Variants in MAGED1 observed in about 807,000 individuals in gnomAD.
MAGED1 encodes the protein melanoma-associated antigen D1.
In MAGED1, 3 loss-of-function variants were observed where a neutral mutation model predicts 54.1. The observed-to-expected ratio is 0.06, with a 90% CI of 0.03 to 0.14. The LOEUF (loss-of-function observed/expected upper bound fraction) is 0.14, where lower values mean the gene tolerates loss of function less well. Ranked by LOEUF, MAGED1 falls within the 10% of genes least tolerant of loss-of-function variation. The pLI is 1.00. For synonymous variants in MAGED1, 217 were observed against 227.3 expected (o/e 0.95, Z 0.41); for missense variants, 485 against 623.4 (o/e 0.78, Z 2.36).
rs962156612 is a variant in MAGED1, at chrX:51,896,647, C to G, written c.992C>G (p.Ala331Gly). The stretch of plus-strand genomic sequence containing the variant: ...CCTCCAGCTAGGCAGACCCCACCAG[C>G]CTGGCAGAACCCAGTCGCTTGGCAG... ...QSPPARQTPP[A>G]WQNPVAWQNP... The change falls in exon 4 of 13, where the codon GCC (alanine) becomes GGC (glycine). Residue 331 changes from alanine to glycine, a missense_variant. Ala to Gly is a moderately conservative substitution (Grantham distance 60). Transcript: ENST00000326587. 8.3e-7 allele frequency: 1 copy of G among 1,211,966 alleles called. No homozygotes were observed. The highest frequency in any genetic ancestry group is 2.2e-5 in the Admixed American group (1 of 46,092).
intron 1 of MAGED1, among the ~76,000 whole-genome samples, chrX:51,866,108 T>C (rs1396036086): frequency 1.8e-5 from 2 of 112,212 alleles, no homozygotes; most frequent in African/African-American, 6.5e-5. Flanking sequence ...CAGACTAATA[T>C]AGAATTTGTT....
At chrX:51,808,767 C>A (rs1321507229) in intron 1 of MAGED1, among the ~76,000 whole-genome samples, 12 of 111,809 alleles carry the variant, frequency 1.1e-4, no homozygotes, top group African/African-American at 3.9e-4. Flanking sequence ...CAATAATTAA[C>A]AACATTTTGC....
At chrX:51,856,533 T>C (rs1557360215) in intron 1 of MAGED1, among the ~76,000 whole-genome samples, 2 of 112,552 alleles carry the variant, frequency 1.8e-5, no homozygotes, top group African/African-American at 3.2e-5. Flanking sequence ...TTTCCTTTTT[T>C]GTGAACTGTT....
chrX:51,840,618 T>A (rs1274529556), intron 1 of MAGED1, among the ~76,000 whole-genome samples: 1 of 106,922 alleles, frequency 9.4e-6, no homozygotes, highest in Non-Finnish European at 1.9e-5. Flanking sequence ...CAGAGTGTGA[T>A]GTTCCCCTTC....
At position 51,895,529 on chromosome X, in the gene MAGED1, C is replaced by G. The variant is rs1557364126; in HGVS notation, c.522C>G (p.Asn174Lys). ...SQSLNANDLA[N>K]SRPKTPFKAW... ...CTCTCAATGCCAATGACCTGGCCAA[C>G]AGCAGGCCTAAGACCCCTTTCAAGG... Residue 174 changes from asparagine (N) to lysine (K), a missense_variant, in exon 3 of 13, where the codon AAC becomes AAG. Around this residue, in one of 2 missense-constraint regions of MAGED1, gnomAD observed 299 missense variants for 293.1 expected, o/e 1.02. Coordinates refer to ENST00000326587, the MANE Select transcript of MAGED1 (RefSeq NM_006986.4). 8.3e-6 allele frequency: 10 copies of G among 1,211,223 alleles called. No individual in the cohort carries two copies. Among genetic ancestry groups the G allele is most frequent in the Non-Finnish European group, 1.1e-5 (10 of 895,094 alleles).
chrX:51,872,654 TC>T (rs1557361693), intron 1 of MAGED1, among the ~76,000 whole-genome samples: 1 of 112,216 alleles, frequency 8.9e-6, no homozygotes, highest in African/African-American at 3.2e-5. Flanking sequence ...AGGTAGGCGA[TC>T]AGCAGGACTT....
chrX:51,884,179 C>T (rs1928161350), intron 1 of MAGED1, among the ~76,000 whole-genome samples: 1 of 110,755 alleles, frequency 9.0e-6, no homozygotes. Context: ...AGCTGAGCAA[C>T]CCCCCAAGAA....
chrX:51,821,843 G>A (rs953037134), intron 1 of MAGED1, among the ~76,000 whole-genome samples: 4 of 111,921 alleles, frequency 3.6e-5, no homozygotes, highest in African/African-American at 1.3e-4. Flanking sequence ...CATTGAGATG[G>A]TCATGTGGTT....
intron 3 of MAGED1, 76 bp from the exon 4 acceptor site, chrX:51,896,333 A>C: frequency 1.1e-6 from 1 of 942,903 alleles, no homozygotes; most frequent in Non-Finnish European, 1.5e-6. Flanking sequence ...GTGAGGGTTT[A>C]GAGGGCATTC....
chrX:51,892,200 C>G (rs1928463975), upstream of MAGED1, among the ~76,000 whole-genome samples: 1 of 112,806 alleles, frequency 8.9e-6, no homozygotes, highest in Non-Finnish European at 1.9e-5. Flanking sequence ...TTGAGTTTCT[C>G]CAGTTATCCT....
intron 1 of MAGED1, among the ~76,000 whole-genome samples, chrX:51,856,441 T>TA (rs1408581961): frequency 3.6e-5 from 4 of 112,255 alleles, no homozygotes; most frequent in Non-Finnish European, 7.5e-5. Context: ...AAAGGAAAAA[T>TA]AAACTCTCAT....
At chrX:51,830,178 G>C (rs1325870230) in intron 1 of MAGED1, among the ~76,000 whole-genome samples, 1 of 111,568 alleles carries the variant, frequency 9.0e-6, no homozygotes, top group African/African-American at 3.3e-5. Context: ...ATTGAGAAAA[G>C]TGAGTTACAG....
intron 1 of MAGED1, among the ~76,000 whole-genome samples, chrX:51,868,711 G>A (rs1557361274): frequency 9.0e-6 from 1 of 111,502 alleles, no homozygotes; most frequent in Non-Finnish European, 1.9e-5. Context: ...TGGGATCATT[G>A]TGTGTGTGAA....
chrX:51,898,703 C>G, intron 10 of MAGED1, 60 bp downstream of exon 10: 1 of 1,046,080 alleles, frequency 9.6e-7, no homozygotes, highest in Non-Finnish European at 1.3e-6. Flanking sequence ...TGCTGGTCAG[C>G]TTTAGAAAGC....
chrX:51,877,851 T>G (rs1391594701), intron 1 of MAGED1, among the ~76,000 whole-genome samples: 1 of 112,040 alleles, frequency 8.9e-6, no homozygotes, highest in East Asian at 2.8e-4. Context: ...TCAGATGATT[T>G]TTCTTTTATA....
intron 1 of MAGED1, among the ~76,000 whole-genome samples, chrX:51,866,806 G>A (rs1326338912): frequency 9.0e-6 from 1 of 111,676 alleles, no homozygotes; most frequent in Admixed American, 9.5e-5. Context: ...GGAGGAATCT[G>A]GGGTAGTGGC....
chrX:51,803,922 A>C (rs1557354810), intron 1 of MAGED1, among the ~76,000 whole-genome samples: 1 of 110,297 alleles, frequency 9.1e-6, no homozygotes, highest in East Asian at 2.8e-4. Flanking sequence ...ATCCCCTGTA[A>C]AACTTCTCTT....
At chrX:51,860,076 G>A (rs1450317478) in intron 1 of MAGED1, among the ~76,000 whole-genome samples, 1 of 111,318 alleles carries the variant, frequency 9.0e-6, no homozygotes, top group African/African-American at 3.3e-5. Context: ...GACCATCCTG[G>A]CCAACACTGT....
intron 10 of MAGED1, chrX:51,899,497 CA>C (rs1928914113): frequency 9.0e-6 from 1 of 111,610 alleles, no homozygotes. Context: ...TGCTGGAGTG[CA>C]GTGGTGCAAT....
Sources: allele counts gnomAD v4.1 joint callset (sites outside exome capture counted in the v4.1 genomes callset), GRCh38; gene constraint gnomAD v4.1.1; regional missense constraint gnomAD v4.1.1; transcripts MANE v1.5; gene names NCBI Gene and HGNC (gene_info 2026-07-23, HGNC 2026-07-21).